The following CAST variants were observed in gnomAD, a reference collection of about 807,000 sequenced individuals.
The protein encoded by CAST is MIR583 host.
In CAST, 76 loss-of-function variants were observed where a neutral mutation model predicts 119.6. The observed-to-expected ratio is 0.64, with a 90% CI of 0.53 to 0.77. CAST has a LOEUF of 0.77. CAST is among the 30% of genes least tolerant of loss of function. CAST has a pLI of 0.00. For missense variants in CAST, 953 were observed against 946.5 expected, an observed-to-expected ratio of 1.01 and a Z score of -0.09; for synonymous variants, 319 against 331.6, an observed-to-expected ratio of 0.96 and a Z score of 0.41.
the CAST span, among the ~76,000 whole-genome samples, chr5:96,237,524 G>C: frequency 6.6e-6 from 1 of 152,164 alleles, no homozygotes; most frequent in African/African-American, 2.4e-5. Context: ...CAATTACTTG[G>C]AAAGTTTCTA....
chr5:96,191,893 A>G, the CAST span, among the ~76,000 whole-genome samples: 5 of 152,250 alleles, frequency 3.3e-5, no homozygotes, highest in Admixed American at 1.3e-4. Flanking sequence ...TTTAAAAAAT[A>G]AAGATATTTT....
chr5:96,300,868 A>T, the CAST span, among the ~76,000 whole-genome samples: 1 of 143,626 alleles, frequency 7.0e-6, no homozygotes, highest in Non-Finnish European at 1.5e-5. Flanking sequence ...TAGTAATTGT[A>T]AATGAGATTG....
the CAST span, among the ~76,000 whole-genome samples, chr5:96,298,429 C>G: frequency 6.6e-6 from 1 of 152,164 alleles, no homozygotes; most frequent in Non-Finnish European, 1.5e-5. Context: ...AACTAGATGG[C>G]AGAGACAGAA....
At chr5:96,174,441 A>G in the CAST span, among the ~76,000 whole-genome samples, 1 of 152,244 alleles carries the variant, frequency 6.6e-6, no homozygotes, top group South Asian at 2.1e-4. Context: ...ACTCCTCCGC[A>G]GACAGGAGGA....
chr5:96,588,350 C>T (rs528214145), intron 1 of CAST, among the ~76,000 whole-genome samples: 100 of 151,712 alleles, frequency 6.6e-4, no homozygotes, highest in African/African-American at 2.2e-3. Context: ...TACAGGCACA[C>T]GCCACCATGC....
intron 1 of CAST, among the ~76,000 whole-genome samples, chr5:96,539,684 T>A (rs1464977830): frequency 6.6e-6 from 1 of 152,126 alleles, no homozygotes; most frequent in Non-Finnish European, 1.5e-5. Flanking sequence ...ACCACTTATA[T>A]TAAAAGTGAG....
At chr5:96,152,361 A>G in the CAST span, among the ~76,000 whole-genome samples, 1 of 152,158 alleles carries the variant, frequency 6.6e-6, no homozygotes, top group Non-Finnish European at 1.5e-5. Flanking sequence ...TCCTGGGCAG[A>G]CAGTGACCTC....
the CAST span, among the ~76,000 whole-genome samples, chr5:96,363,268 T>C: frequency 2.0e-5 from 3 of 148,870 alleles, no homozygotes; most frequent in Non-Finnish European, 3.0e-5. Context: ...TCAGGTAGTA[T>C]GGTGCCTCCA....
chr5:96,328,113 G>A, the CAST span, among the ~76,000 whole-genome samples: 1 of 152,200 alleles, frequency 6.6e-6, no homozygotes, highest in Non-Finnish European at 1.5e-5. Flanking sequence ...TTCTTGTGAA[G>A]CTGGGCTTTC....
chr5:96,199,567 A>G, the CAST span, among the ~76,000 whole-genome samples: 1 of 152,188 alleles, frequency 6.6e-6, no homozygotes, highest in Non-Finnish European at 1.5e-5. Flanking sequence ...TTTAAAATAC[A>G]TAATGAATTT....
At chr5:96,617,708 C>T (rs183711415) in intron 1 of CAST, among the ~76,000 whole-genome samples, 13 of 137,750 alleles carry the variant, frequency 9.4e-5, no homozygotes, top group Admixed American at 4.8e-4. Context: ...AGGATAATGG[C>T]GTGAACCCGG....
chr5:96,522,188 G>A (rs1041369065), upstream of CAST, among the ~76,000 whole-genome samples: 1 of 152,102 alleles, frequency 6.6e-6, no homozygotes, highest in Admixed American at 6.6e-5. Flanking sequence ...AGGATTCAAG[G>A]CCTTAATTCT....
chr5:96,496,728 T>G, the CAST span, among the ~76,000 whole-genome samples: 2 of 152,234 alleles, frequency 1.3e-5, no homozygotes, highest in Admixed American at 6.5e-5. Flanking sequence ...AGAAACCGGT[T>G]AGGTTACTTG....
intron 1 of CAST, among the ~76,000 whole-genome samples, chr5:96,655,624 C>T (rs1365040548): frequency 1.3e-5 from 2 of 152,228 alleles, no homozygotes; most frequent in African/African-American, 4.8e-5. Context: ...CAGATACTTG[C>T]AATGCATTTG....
chr5:96,269,921 A>G, the CAST span, among the ~76,000 whole-genome samples: 3 of 151,964 alleles, frequency 2.0e-5, no homozygotes, highest in African/African-American at 7.3e-5. Context: ...TACCAAAACT[A>G]GACAAGGACA....
chr5:96,614,383 T>G, intron 1 of CAST, among the ~76,000 whole-genome samples: 1 of 152,214 alleles, frequency 6.6e-6, no homozygotes, highest in Non-Finnish European at 1.5e-5. Flanking sequence ...CAAGGGATTT[T>G]CAGCAAAAGC....
At chr5:96,714,206 A>T (rs1024368805) in intron 3 of CAST, among the ~76,000 whole-genome samples, 1 of 152,190 alleles carries the variant, frequency 6.6e-6, no homozygotes, top group Admixed American at 6.5e-5. Context: ...TGAATTTAAA[A>T]ACCTCACATT....
intron 1 of CAST, chr5:96,529,924 G>A: frequency 9.1e-6 from 3 of 330,568 alleles, no homozygotes; most frequent in Non-Finnish European, 1.2e-5. Context: ...ACCCAGTCTT[G>A]GGTGTTTTTT....
chr5:96,027,138 G>T, the CAST span, among the ~76,000 whole-genome samples: 71 of 152,094 alleles, frequency 4.7e-4, no homozygotes, highest in Admixed American at 3.9e-4. Flanking sequence ...CTATGATCAT[G>T]CTACTGTACT....
Sources: gnomAD v4.1 joint callset for allele counts (sites outside exome capture counted in the v4.1 genomes callset) on GRCh38, gnomAD v4.1.1 for gene constraint, MANE v1.5 for transcripts, NCBI Gene and HGNC (gene_info 2026-07-23, HGNC 2026-07-21) for gene names.